NAV2: variants seen among roughly 807,000 people sequenced by gnomAD.
NAV2 encodes neuron navigator 2.
Under a neutral mutation model 223.2 loss-of-function variants are expected in NAV2, and 54 were observed. The observed-to-expected ratio is 0.24, with a 90% CI of 0.19 to 0.30. The LOEUF (loss-of-function observed/expected upper bound fraction) is 0.30, where lower values mean the gene tolerates loss of function less well. Among genes scored for constraint, NAV2 ranks in the 10% least tolerant of loss-of-function variants. NAV2 has a pLI of 1.00. For missense variants in NAV2, 2,806 were observed against 3,147.5 expected (o/e 0.89, Z 2.60); for synonymous variants, 1,279 against 1,239.3 (o/e 1.03, Z -0.67).
At chr11:19,835,356 C>T (rs956514009) in intron 2 of NAV2, among the ~76,000 whole-genome samples, 3 of 152,196 alleles carry the variant, frequency 2.0e-5, no homozygotes, top group Non-Finnish European at 4.4e-5. Context: ...GTGACTCTCT[C>T]GCCAGACTGG....
intron 11 of NAV2, among the ~76,000 whole-genome samples, chr11:19,991,718 A>AT (rs1379691384): frequency 1.3e-5 from 2 of 152,184 alleles, no homozygotes; most frequent in African/African-American, 2.4e-5. Context: ...ACATGGTTGC[A>AT]TTTTTTAGTA....
At chr11:19,729,736 A>G (rs373858338) in intron 1 of NAV2, among the ~76,000 whole-genome samples, 2 of 152,240 alleles carry the variant, frequency 1.3e-5, no homozygotes, top group African/African-American at 4.8e-5. Context: ...GTTGGCTGAG[A>G]GGGGCCACAG....
chr11:19,575,161 A>G (rs1175830343), intron 1 of NAV2: 1 of 152,778 alleles, frequency 6.5e-6, no homozygotes, highest in East Asian at 1.9e-4. Context: ...GAGGTTAATC[A>G]TGTCCACATT....
At chr11:19,672,889 C>A (rs1318096329) in intron 1 of NAV2, among the ~76,000 whole-genome samples, 1 of 152,184 alleles carries the variant, frequency 6.6e-6, no homozygotes, top group Non-Finnish European at 1.5e-5. Context: ...GGCAGAGGAA[C>A]AGGGAAGAGT....
At chr11:19,617,356 C>A (rs2046829272) in intron 1 of NAV2, among the ~76,000 whole-genome samples, 1 of 152,156 alleles carries the variant, frequency 6.6e-6, no homozygotes, top group Admixed American at 6.5e-5. Context: ...CTGCAGAAAG[C>A]ATACACCTTC....
At position 19,679,437 on chromosome 11, in the gene NAV2, A is replaced by AAAAAAAAAAAAAAAC. The variant is rs1554992744; in HGVS notation, c.76-153047_76-153046insAAAAAAAAAAAAAAC. ...CAGAACGAGACTCTGTCTCAAAAAAACACAAAAAGATTTGGGGGCTATTAT... is the reference window on the plus strand; with the variant it reads ...CAGAACGAGACTCTGTCTCAAAAAAAAAAAAAAAAAAAAACCACAAAAAGATTTGGGGGCTATTAT... On this transcript the variant is annotated intron_variant, in intron 1 of 37. Coordinates refer to the NAV2 transcript ENST00000360655. Among the ~76,000 whole-genome samples the AAAAAAAAAAAAAAAC allele has an allele frequency of 4.7e-5, 7 of 149,346 alleles. 2 individuals are homozygous for AAAAAAAAAAAAAAAC. Among genetic ancestry groups the AAAAAAAAAAAAAAAC allele is most frequent in the Non-Finnish European group, 9.0e-5 (6 of 66,856 alleles).
At chr11:19,401,114 C>G (rs1042069227) in intron 1 of NAV2, among the ~76,000 whole-genome samples, 22 of 152,188 alleles carry the variant, frequency 1.4e-4, no homozygotes, top group African/African-American at 4.6e-4. Flanking sequence ...TCAATGCTCT[C>G]AGTGCTTCTA....
rs563111284 is a variant in NAV2, at chr11:19,682,424, G to A, written c.76-150060G>A. Reference sequence around the variant, plus strand: ...TGTGTACTGTGGAAATGAGCACTGCGGTCAATGTGCCAAGCACATTGTGAA... The same window carrying A: ...TGTGTACTGTGGAAATGAGCACTGCAGTCAATGTGCCAAGCACATTGTGAA... On this transcript the variant is annotated intron_variant, in intron 1 of 37. Transcript: ENST00000360655. Among the ~76,000 whole-genome samples the A allele has an allele frequency of 7.6e-4, 115 of 152,268 alleles. No individual in the cohort carries two copies. The East Asian group carries it at 0.013, about 17-fold the overall frequency.
intron 1 of NAV2, among the ~76,000 whole-genome samples, chr11:19,596,403 C>T (rs2046207501): frequency 6.6e-6 from 1 of 152,232 alleles, no homozygotes; most frequent in Admixed American, 6.5e-5. Flanking sequence ...CCCCAGAAGC[C>T]AGCTCCTCCT....
chr11:20,036,539 G>A lies in NAV2; in HGVS notation c.2907+442G>A, dbSNP rs145952728. 9.0e-3 allele frequency among the ~76,000 whole-genome samples: 1,371 copies of A among 152,282 alleles called. 12 individuals carry two copies. The highest frequency in any genetic ancestry group is 0.015 in the Non-Finnish European group (1,031 of 68,034). On this transcript the variant is annotated intron_variant, in intron 12 of 37. Coordinates refer to ENST00000349880, the MANE Select transcript of NAV2 (RefSeq NM_145117.5). ...AAATAAAGATTGAGAACCCTGGACCGGAAGGCCGGGATGTCCTGACCTGTG... is the reference window on the plus strand; with the variant it reads ...AAATAAAGATTGAGAACCCTGGACCAGAAGGCCGGGATGTCCTGACCTGTG...
intron 1 of NAV2, among the ~76,000 whole-genome samples, chr11:19,451,824 G>A (rs1302132459): frequency 1.3e-5 from 2 of 152,188 alleles, no homozygotes; most frequent in Admixed American, 6.5e-5. Flanking sequence ...TTAAGCAAAT[G>A]TAAGGACATG....
chr11:19,587,114 G>A (rs921929273), intron 1 of NAV2, among the ~76,000 whole-genome samples: 2 of 152,210 alleles, frequency 1.3e-5, no homozygotes, highest in African/African-American at 4.8e-5. Flanking sequence ...CCGCCTTGCA[G>A]TTTGATCTCA....
chr11:19,920,490 T>C (rs1804195177), intron 6 of NAV2, among the ~76,000 whole-genome samples: 1 of 152,078 alleles, frequency 6.6e-6, no homozygotes, highest in Non-Finnish European at 1.5e-5. Context: ...GGTTTCACCA[T>C]GTTAGCCAGG....
At chr11:19,709,345 A>G (rs555351831), upstream of NAV2, among the ~76,000 whole-genome samples, 55 of 152,128 alleles carry the variant, frequency 3.6e-4, no homozygotes, top group Non-Finnish European at 6.8e-4. Flanking sequence ...GGTCGAGACC[A>G]TCCTGGCTAA....
chr11:19,917,574 A>G (rs144251673), intron 6 of NAV2, among the ~76,000 whole-genome samples: 124 of 152,028 alleles, frequency 8.2e-4, no homozygotes, highest in African/African-American at 2.7e-3. Context: ...TCCCCCTCTC[A>G]TCTCACATCT....
chr11:19,364,063 C>A (rs1279140519), intron 1 of NAV2, among the ~76,000 whole-genome samples: 1 of 152,000 alleles, frequency 6.6e-6, no homozygotes, highest in East Asian at 1.9e-4. Context: ...CTCTCCCCTC[C>A]CCAGAGGGTG....
intron 7 of NAV2, among the ~76,000 whole-genome samples, chr11:19,938,106 T>C (rs934140475): frequency 6.6e-6 from 1 of 151,846 alleles, no homozygotes; most frequent in Non-Finnish European, 1.5e-5. Flanking sequence ...TGCAGCATAG[T>C]AGAGTTGTAT....
At chr11:19,802,635 A>T (rs946725796) in intron 1 of NAV2, among the ~76,000 whole-genome samples, 2 of 151,428 alleles carry the variant, frequency 1.3e-5, no homozygotes, top group African/African-American at 4.9e-5. Context: ...ACTTAAGGCC[A>T]GGAGTTTGAG....
chr11:19,661,671 C>T (rs1395735601), intron 1 of NAV2, among the ~76,000 whole-genome samples: 1 of 152,014 alleles, frequency 6.6e-6, no homozygotes, highest in Admixed American at 6.6e-5. Flanking sequence ...AAATTGTGCC[C>T]AGTGTGGACA....
Sources: gnomAD v4.1 joint callset for allele counts (sites outside exome capture counted in the v4.1 genomes callset) on GRCh38, gnomAD v4.1.1 for gene constraint, MANE v1.5 for transcripts, NCBI Gene and HGNC (gene_info 2026-07-23, HGNC 2026-07-21) for gene names.